The following DGKB variants were observed in gnomAD, a reference collection of about 807,000 sequenced individuals.
DGKB encodes the protein 90 kDa diacylglycerol kinase.
Under a neutral mutation model 114.3 loss-of-function variants are expected in DGKB, and 67 were observed. The observed-to-expected ratio is 0.59, with a 90% CI of 0.48 to 0.72. The LOEUF is 0.72. Among genes scored for constraint, DGKB ranks in the 30% least tolerant of loss-of-function variants. The probability of loss-of-function intolerance (pLI) is 0.00; values close to 1 mark genes in which losing one functional copy is unlikely to be tolerated. For synonymous variants in DGKB, 398 were observed against 323.1 expected (o/e 1.23, Z -2.49); for missense variants, 907 against 975.2 (o/e 0.93, Z 0.93).
intron 1 of DGKB, among the ~76,000 whole-genome samples, chr7:14,844,962 C>G (rs1309917355): frequency 6.6e-6 from 1 of 151,820 alleles, no homozygotes; most frequent in Non-Finnish European, 1.5e-5. Context: ...CAAAAATTAG[C>G]TGGGCATGGT....
intron 23 of DGKB, among the ~76,000 whole-genome samples, chr7:14,338,128 C>G (rs1562963483): frequency 1.3e-5 from 2 of 152,070 alleles, no homozygotes; most frequent in Admixed American, 1.3e-4. Context: ...AGAAAAAGAA[C>G]AAAATCTCTT....
intron 21 of DGKB, among the ~76,000 whole-genome samples, chr7:14,421,115 C>T (rs1437997439): frequency 6.6e-6 from 1 of 152,070 alleles, no homozygotes; most frequent in Non-Finnish European, 1.5e-5. Context: ...AGCGTATAAG[C>T]AATGGGAAAT....
intron 21 of DGKB, among the ~76,000 whole-genome samples, chr7:14,390,760 A>C (rs1459449284): frequency 6.6e-6 from 1 of 152,208 alleles, no homozygotes; most frequent in Non-Finnish European, 1.5e-5. Flanking sequence ...GATTGTTTTC[A>C]TAATTTTTTA....
intron 21 of DGKB, among the ~76,000 whole-genome samples, chr7:14,457,761 A>G (rs377432216): frequency 7.2e-5 from 11 of 152,342 alleles, no homozygotes; most frequent in South Asian, 6.2e-4. Flanking sequence ...ACCTCCTATG[A>G]CAGATTGCTA....
At chr7:14,865,520 G>A (rs1026950759) in intron 1 of DGKB, among the ~76,000 whole-genome samples, 3 of 152,160 alleles carry the variant, frequency 2.0e-5, no homozygotes, top group Admixed American at 1.3e-4. Context: ...TCTCTTTACC[G>A]TCTTCAATTC....
chr7:14,393,080 CTG>C (rs1380342375), intron 21 of DGKB, among the ~76,000 whole-genome samples: 22 of 146,878 alleles, frequency 1.5e-4, no homozygotes, highest in Non-Finnish European at 2.4e-4. Context: ...GCTCTGCCCC[CTG>C]GGGTTCACGC....
chr7:14,452,204 T>C (rs1831630741), intron 21 of DGKB, among the ~76,000 whole-genome samples: 1 of 152,078 alleles, frequency 6.6e-6, no homozygotes. Context: ...TAAAATAATT[T>C]ATACAAAAGC....
chr7:14,621,435 A>G lies in DGKB; in HGVS notation c.1227T>C (p.Ile409=), dbSNP rs202040391. The change falls in exon 15 of 26, where the codon ATT becomes ATC. Residue 409 remains isoleucine, a synonymous_variant. Coordinates refer to ENST00000402815, the MANE Select transcript of DGKB (RefSeq NM_001350709.2). ...KSGSQQPNKV[I]DKNKMQRANS... ...TGGCTCTTTGCATTTTATTCTTGTC[A>G]ATCACTTTGTTTGGCTGCTGGGAAC... 2 of 1,611,416 alleles carry G rather than the reference A, an allele frequency of 1.2e-6. No individual in the cohort carries two copies. Among genetic ancestry groups the G allele is most frequent in the African/African-American group, 1.3e-5 (1 of 74,952 alleles).
At chr7:14,717,561 C>T (rs1187162147) in intron 6 of DGKB, among the ~76,000 whole-genome samples, 1 of 151,968 alleles carries the variant, frequency 6.6e-6, no homozygotes, top group Non-Finnish European at 1.5e-5. Context: ...CTTAAATAAT[C>T]ACATTACAGT....
chr7:14,684,770 C>T lies in DGKB; in HGVS notation c.829+475G>A, dbSNP rs578172470. ...ATAGGCTTGAGGTGTAAAATTAGTTCGTATATCTTGCGATTTCCTAATTTT... is the reference window on the plus strand; with the variant it reads ...ATAGGCTTGAGGTGTAAAATTAGTTTGTATATCTTGCGATTTCCTAATTTT... On this transcript the variant is annotated intron_variant, in intron 10 of 25. Transcript: ENST00000402815. Among the ~76,000 whole-genome samples, 230 of 152,022 alleles carry T rather than the reference C, an allele frequency of 1.5e-3. 1 individual carries two copies. The highest frequency in any genetic ancestry group is 5.3e-3 in the African/African-American group (220 of 41,474).
At chr7:14,435,781 T>C (rs2128800793) in intron 21 of DGKB, among the ~76,000 whole-genome samples, 1 of 152,238 alleles carries the variant, frequency 6.6e-6, no homozygotes, top group South Asian at 2.1e-4. Flanking sequence ...TTGAAAATTA[T>C]ATTTAAATTT....
chr7:14,892,106 G>GAA (rs1313364762), intron 1 of DGKB, among the ~76,000 whole-genome samples: 1 of 151,306 alleles, frequency 6.6e-6, no homozygotes, highest in Non-Finnish European at 1.5e-5. Flanking sequence ...GGGAGAATGA[G>GAA]AAAAAAGTCA....
intron 23 of DGKB, among the ~76,000 whole-genome samples, chr7:14,311,433 T>C (rs1475177447): frequency 6.6e-6 from 1 of 152,176 alleles, no homozygotes; most frequent in African/African-American, 2.4e-5. Flanking sequence ...TTCATCATTT[T>C]TTTTTTTAGA....
At chr7:14,950,543 A>C (rs1280000223) in intron 1 of DGKB, among the ~76,000 whole-genome samples, 1 of 152,002 alleles carries the variant, frequency 6.6e-6, no homozygotes, top group East Asian at 1.9e-4. Flanking sequence ...AAAAAGACAC[A>C]AATTACTAAA....
At chr7:14,172,365 G>GGA (rs1781127744) in intron 25 of DGKB, among the ~76,000 whole-genome samples, 1 of 152,020 alleles carries the variant, frequency 6.6e-6, no homozygotes, top group African/African-American at 2.4e-5. Context: ...ATTGAGATGG[G>GGA]GAAATATTGA....
chr7:14,321,782 G>C (rs1030443354), intron 23 of DGKB, among the ~76,000 whole-genome samples: 3 of 151,978 alleles, frequency 2.0e-5, no homozygotes, highest in African/African-American at 4.8e-5. Flanking sequence ...GAGAGTAAAA[G>C]TTAGAAAATA....
chr7:14,306,410 G>T (rs952367874), intron 23 of DGKB, among the ~76,000 whole-genome samples: 1 of 152,024 alleles, frequency 6.6e-6, no homozygotes, highest in African/African-American at 2.4e-5. Flanking sequence ...GATTTCACAA[G>T]AGCCAGCTGG....
At chr7:14,909,504 GA>G (rs939803466) in intron 1 of DGKB, among the ~76,000 whole-genome samples, 50 of 149,474 alleles carry the variant, frequency 3.3e-4, no homozygotes, top group African/African-American at 9.1e-4. Flanking sequence ...TGTAGAAATT[GA>G]AAAAAAAATG....
At chr7:14,769,280 A>AAGAAAGAT (rs562853033) in intron 2 of DGKB, among the ~76,000 whole-genome samples, 3 of 147,288 alleles carry the variant, frequency 2.0e-5, no homozygotes, top group Non-Finnish European at 3.0e-5. Flanking sequence ...GAAAGAAAGA[A>AAGAAAGAT]AGATTTTGTA....
Sources: gnomAD v4.1 joint callset for allele counts (sites outside exome capture counted in the v4.1 genomes callset) on GRCh38, gnomAD v4.1.1 for gene constraint, MANE v1.5 for transcripts, NCBI Gene and HGNC (gene_info 2026-07-23, HGNC 2026-07-21) for gene names.